SORCS3: variants seen among roughly 807,000 people sequenced by gnomAD.
The protein encoded by SORCS3 is VPS10 domain-containing receptor SorCS3.
Under a neutral mutation model 146.3 loss-of-function variants are expected in SORCS3, and 57 were observed. The ratio of observed to expected loss-of-function variants is 0.39; its 90% CI spans 0.31 to 0.49. The LOEUF is 0.49. Ranked by LOEUF, SORCS3 falls within the 20% of genes least tolerant of loss-of-function variation. The probability of loss-of-function intolerance (pLI) is 0.92; values close to 1 mark genes in which losing one functional copy is unlikely to be tolerated. For synonymous variants in SORCS3, 653 were observed against 618.5 expected (o/e 1.06, Z -0.83); for missense variants, 1,341 against 1,575.5 (o/e 0.85, Z 2.52).
At chr10:105,120,926 G>A (rs745900139) in intron 7 of SORCS3, among the ~76,000 whole-genome samples, 3 of 152,256 alleles carry the variant, frequency 2.0e-5, no homozygotes, top group Non-Finnish European at 4.4e-5. Flanking sequence ...AGTAAGGGTG[G>A]TGGTAAGCGT....
chr10:105,136,842 C>G (rs2056062083), intron 7 of SORCS3, among the ~76,000 whole-genome samples: 2 of 152,104 alleles, frequency 1.3e-5, no homozygotes, highest in Admixed American at 1.3e-4. Flanking sequence ...CATATAGCCC[C>G]TTTATGTTTT....
chr10:104,997,576 C>T lies in SORCS3; in HGVS notation c.954+20083C>T, dbSNP rs192206943. ...GTCTTGGGAGAAGAAGAAGGTACAT[C>T]AGGGATTGAGGGTGAGGAAGATGCA... On this transcript the variant is annotated intron_variant, in intron 4 of 26. Coordinates refer to ENST00000369701, the MANE Select transcript of SORCS3 (RefSeq NM_014978.3). Among the ~76,000 whole-genome samples, 5 of 152,242 alleles carry T rather than the reference C, an allele frequency of 3.3e-5. No individual in the cohort carries two copies. In the South Asian group the frequency reaches 1.0e-3, roughly 32 times the overall value.
chr10:104,874,867 C>T (rs2018555064), intron 2 of SORCS3, among the ~76,000 whole-genome samples: 2 of 152,164 alleles, frequency 1.3e-5, no homozygotes, highest in Admixed American at 1.3e-4. Context: ...TCATACCCTT[C>T]AGCTCTCTTC....
chr10:105,135,284 T>C (rs4918149), intron 7 of SORCS3, among the ~76,000 whole-genome samples: 73,541 of 151,820 alleles, frequency 0.48, 18,363 homozygotes, highest in Non-Finnish European at 0.54. Flanking sequence ...AGACTTGAGG[T>C]AGTACTGGAC....
chr10:105,058,326 A>G (rs1355324312), intron 5 of SORCS3, among the ~76,000 whole-genome samples: 1 of 152,226 alleles, frequency 6.6e-6, no homozygotes, highest in Non-Finnish European at 1.5e-5. Context: ...TCCAAGTGAT[A>G]CTGGGAATGA....
chr10:105,256,441 C>T (rs1386457087), intron 24 of SORCS3, among the ~76,000 whole-genome samples: 1 of 152,196 alleles, frequency 6.6e-6, no homozygotes, highest in Admixed American at 6.5e-5. Flanking sequence ...GAATGAAACA[C>T]TGCATTAGTA....
chr10:105,209,117 A>G (rs1476645036), intron 16 of SORCS3, among the ~76,000 whole-genome samples: 1 of 152,118 alleles, frequency 6.6e-6, no homozygotes, highest in Non-Finnish European at 1.5e-5. Context: ...GATAGATGTA[A>G]TGCAATCATG....
chr10:105,020,761 ACCT>A (rs1231077754), intron 4 of SORCS3, among the ~76,000 whole-genome samples: 25 of 152,222 alleles, frequency 1.6e-4, no homozygotes, highest in African/African-American at 6.0e-4. Flanking sequence ...TCTCACCGTC[ACCT>A]CCATTTACCT....
At chr10:105,088,764 G>A (rs1489887259) in intron 5 of SORCS3, among the ~76,000 whole-genome samples, 3 of 152,150 alleles carry the variant, frequency 2.0e-5, no homozygotes, top group Non-Finnish European at 1.5e-5. Context: ...TCTTAGGTCT[G>A]TTTTTCATAA....
At chr10:104,999,018 C>T (rs934287967) in intron 4 of SORCS3, among the ~76,000 whole-genome samples, 6 of 152,112 alleles carry the variant, frequency 3.9e-5, no homozygotes, top group Non-Finnish European at 8.8e-5. Flanking sequence ...TTCAGCATTT[C>T]AGCAGTGCCA....
At chr10:104,798,592 T>C (rs1198368468) in intron 1 of SORCS3, among the ~76,000 whole-genome samples, 1 of 152,204 alleles carries the variant, frequency 6.6e-6, no homozygotes, top group East Asian at 1.9e-4. Context: ...CAAAATGGCA[T>C]AGCCACCTTG....
chr10:105,071,145 CTG>C (rs1459488267), intron 5 of SORCS3, among the ~76,000 whole-genome samples: 1 of 151,608 alleles, frequency 6.6e-6, no homozygotes, highest in African/African-American at 2.4e-5. Context: ...TATAATAAAA[CTG>C]TCATCAGTCA....
chr10:104,818,360 T>TTCCTTC (rs1564690794), intron 1 of SORCS3, among the ~76,000 whole-genome samples: 4,185 of 139,818 alleles, frequency 0.03, 118 homozygotes, highest in African/African-American at 0.046. Context: ...TCTTCTCCTT[T>TTCCTTC]CTTCCTTCCT....
rs78421148 is a variant in SORCS3 at position 105,081,643 on chromosome 10, T to C, written c.1029-8132T>C. ...AAATAAGTTTGAAGCCACTTGACCT[T>C]TTCTGGCACTTCTGTTAGTAGCACC... On this transcript the variant is annotated intron_variant, in intron 5 of 26. Transcript: ENST00000369701. 1.0e-3 allele frequency among the ~76,000 whole-genome samples: 152 copies of C among 152,292 alleles called. 3 individuals carry two copies. The East Asian group carries it at 0.028, about 28-fold the overall frequency.
intron 1 of SORCS3, among the ~76,000 whole-genome samples, chr10:104,713,515 A>G (rs2016443096): frequency 6.6e-6 from 1 of 151,986 alleles, no homozygotes; most frequent in African/African-American, 2.4e-5. Flanking sequence ...TAGATGTTGG[A>G]TTTTGTCAAG....
intron 4 of SORCS3, among the ~76,000 whole-genome samples, chr10:104,989,930 G>T (rs2054983833): frequency 6.6e-6 from 1 of 152,160 alleles, no homozygotes; most frequent in African/African-American, 2.4e-5. Flanking sequence ...CAACAAGGAG[G>T]CAAAACTCAG....
intron 3 of SORCS3, among the ~76,000 whole-genome samples, chr10:104,940,238 A>ATATATATATATATATATATATTT (rs1435205868): frequency 1.3e-4 from 4 of 31,508 alleles, no homozygotes; most frequent in Non-Finnish European, 1.8e-4. Flanking sequence ...ATATATATAT[A>ATATATATATATATATATATATTT]TTTTTTTTTT....
chr10:105,157,069 T>C (rs1589660511), intron 9 of SORCS3, 69 bp from the exon 10 acceptor site: 3 of 1,572,646 alleles, frequency 1.9e-6, no homozygotes, highest in East Asian at 4.5e-5. Flanking sequence ...GCGGCTTCTC[T>C]AAGGGCTTCT....
chr10:105,228,003 G>C (rs1227193695), intron 20 of SORCS3, among the ~76,000 whole-genome samples: 1 of 146,624 alleles, frequency 6.8e-6, no homozygotes, highest in Non-Finnish European at 1.5e-5. Context: ...GTGTGTGTGT[G>C]TGTGTGTGTG....
Sources: gnomAD v4.1 joint callset for allele counts (sites outside exome capture counted in the v4.1 genomes callset) on GRCh38, gnomAD v4.1.1 for gene constraint, MANE v1.5 for transcripts, NCBI Gene and HGNC (gene_info 2026-07-23, HGNC 2026-07-21) for gene names.